Variants in DENND6A observed in about 807,000 individuals in gnomAD.
DENND6A encodes the protein DENN domain containing 6A.
In DENND6A, 43 loss-of-function variants were observed where a neutral mutation model predicts 95.5. That is an observed-to-expected ratio of 0.45 (90% CI 0.35 to 0.58). The LOEUF is 0.58. Ranked by LOEUF, DENND6A falls within the 20% of genes least tolerant of loss-of-function variation. DENND6A has a pLI of 0.00. For missense variants in DENND6A, 574 were observed against 736.0 expected, an observed-to-expected ratio of 0.78 and a Z score of 2.55; for synonymous variants, 257 against 260.4, an observed-to-expected ratio of 0.99 and a Z score of 0.13.
At chr3:57,633,849 C>T (rs1231362064) in intron 14 of DENND6A, among the ~76,000 whole-genome samples, 1 of 151,580 alleles carries the variant, frequency 6.6e-6, no homozygotes, top group African/African-American at 2.4e-5. Context: ...CGAGATTGTG[C>T]TATTGCACTC....
At chr3:57,691,682 A>C (rs1388295760) in intron 1 of DENND6A, among the ~76,000 whole-genome samples, 1 of 151,440 alleles carries the variant, frequency 6.6e-6, no homozygotes, top group Non-Finnish European at 1.5e-5. Flanking sequence ...AAAAAAAAAA[A>C]AAAAAAAAAA....
chr3:57,686,474 T>G (rs1252963401), intron 1 of DENND6A, among the ~76,000 whole-genome samples: 1 of 152,232 alleles, frequency 6.6e-6, no homozygotes, highest in Non-Finnish European at 1.5e-5. Flanking sequence ...TTATTGTGCT[T>G]TGCAGTTACC....
At chr3:57,667,358 T>G (rs1022146349) in intron 3 of DENND6A, among the ~76,000 whole-genome samples, 2 of 152,088 alleles carry the variant, frequency 1.3e-5, no homozygotes, top group Admixed American at 6.6e-5. Context: ...GGTCTTGCTA[T>G]GTTGCCCAGG....
intron 12 of DENND6A, among the ~76,000 whole-genome samples, chr3:57,639,222 T>C (rs2070870847): frequency 6.6e-6 from 1 of 152,210 alleles, no homozygotes; most frequent in African/African-American, 2.4e-5. Flanking sequence ...AACATCACCA[T>C]TTCAAACATT....
intron 9 of DENND6A, among the ~76,000 whole-genome samples, chr3:57,648,032 G>A (rs189259026): frequency 6.6e-6 from 1 of 152,050 alleles, no homozygotes; most frequent in African/African-American, 2.4e-5. Context: ...AGAAGAGAAA[G>A]AAATAAAGAG....
chr3:57,632,405 A>C (rs2070705328), intron 15 of DENND6A, among the ~76,000 whole-genome samples: 1 of 151,802 alleles, frequency 6.6e-6, no homozygotes, highest in Non-Finnish European at 1.5e-5. Flanking sequence ...CTGTAGTCTC[A>C]AAGTCCTGGC....
chr3:57,660,029 G>A (rs2071393664), intron 7 of DENND6A, among the ~76,000 whole-genome samples: 1 of 152,174 alleles, frequency 6.6e-6, no homozygotes, highest in Non-Finnish European at 1.5e-5. Flanking sequence ...GATGCCATGA[G>A]ATCAGAGGTG....
Position 57,692,644 on chromosome 3 carries a change from A to T in DENND6A, c.237+138T>A, listed in dbSNP as rs1177984855. 6 of 752,786 alleles carry T rather than the reference A, an allele frequency of 8.0e-6. No homozygotes were observed. The African/African-American group carries it at 9.4e-5, about 12-fold the overall frequency. The allele number at this position is 752,786 out of a possible 1,614,324, so 46.6% of individuals were successfully genotyped here. A position where few individuals can be genotyped will look rare whatever the true frequency, so the allele number is the denominator to read the frequency against. On this transcript the variant is annotated intron_variant, in intron 1 of 19. Coordinates refer to ENST00000311128, the MANE Select transcript of DENND6A (RefSeq NM_152678.3). ...GTGCCGTAGGACCGCAGCCCGAAAG[A>T]GCGCGGGAGGGGAGACTGGCCACGC...
At chr3:57,660,694 C>A in intron 7 of DENND6A, 66 bp downstream of exon 7, 1 of 1,432,104 alleles carries the variant, frequency 7.0e-7, no homozygotes, top group South Asian at 1.3e-5. Flanking sequence ...GGTGACAGCA[C>A]AAGACCCTGT....
intron 12 of DENND6A, 32 bp downstream of exon 12, chr3:57,641,621 A>T (rs780896112): frequency 6.3e-7 from 1 of 1,576,748 alleles, no homozygotes; most frequent in South Asian, 1.2e-5. Context: ...AACACTGCAC[A>T]CTAGAAACAG....
At chr3:57,678,475 T>TG (rs1445839244) in intron 1 of DENND6A, among the ~76,000 whole-genome samples, 4 of 152,204 alleles carry the variant, frequency 2.6e-5, no homozygotes, top group African/African-American at 9.7e-5. Context: ...GAAATACAGT[T>TG]GGGGCTCAAA....
chr3:57,693,031 G>C lies in DENND6A; in HGVS notation c.-13C>G. 7.2e-7 allele frequency: 1 copy of C among 1,398,342 alleles called. No individual in the cohort carries two copies. Among genetic ancestry groups the C allele is most frequent in the African/African-American group, 1.5e-5 (1 of 64,828 alleles). The allele number at this position is 1,398,342 out of a possible 1,614,324, so 86.6% of individuals were successfully genotyped here. A position where few individuals can be genotyped will look rare whatever the true frequency, so the allele number is the denominator to read the frequency against. The stretch of plus-strand genomic sequence containing the variant: ...CCCTCAAAGCCATCGGCCGCCCCCT[G>C]ACCGTTCGCGCCGCCTCCACAGCGG... On this transcript the variant is annotated 5_prime_UTR_variant, in exon 1 of 20. Transcript: ENST00000311128.
rs949667365 is a variant in DENND6A, at chr3:57,643,939, A to G, written c.1037+1722T>C. Among the ~76,000 whole-genome samples, 7 of 152,090 alleles carry G rather than the reference A, an allele frequency of 4.6e-5. 1 individual carries two copies. The highest frequency in any genetic ancestry group is 3.9e-4 in the Admixed American group (6 of 15,266). Reference sequence around the variant, plus strand: ...GCCAAGGTGGGCAGATCACGAGGTCAGGAGTTCAAGACCAGTCTGGCCAAT... The same window carrying G: ...GCCAAGGTGGGCAGATCACGAGGTCGGGAGTTCAAGACCAGTCTGGCCAAT... On this transcript the variant is annotated intron_variant, in intron 11 of 19. Transcript: ENST00000311128.
intron 15 of DENND6A, 30 bp downstream of exon 15, chr3:57,633,235 A>T: frequency 1.9e-6 from 3 of 1,569,788 alleles, no homozygotes; most frequent in Non-Finnish European, 1.8e-6. Context: ...CAAATCATTA[A>T]ATTATGCAAA....
At chr3:57,646,227 C>T in intron 10 of DENND6A, 89 bp downstream of exon 10, 1 of 1,499,530 alleles carries the variant, frequency 6.7e-7, no homozygotes. Context: ...AAAAATACGA[C>T]AGGTGGGAAG....
At position 57,628,119 on chromosome 3, in the gene DENND6A, C is replaced by A. The variant is rs566527979; in HGVS notation, c.*95G>T. The A allele has an allele frequency of 6.6e-7, 1 of 1,513,668 alleles. No individual in the cohort carries two copies. Among genetic ancestry groups the A allele is most frequent in the South Asian group, 1.3e-5 (1 of 75,764 alleles). 93.8% of individuals were successfully genotyped at this position (1,513,668 alleles called of 1,614,324 possible). On this transcript the variant is annotated 3_prime_UTR_variant, in exon 20 of 20. Coordinates refer to ENST00000311128, the MANE Select transcript of DENND6A (RefSeq NM_152678.3). ...TAGCATTCATGGCAATTTTCCACTC[C>A]GCTGCCACTGAGAGATCTCCTTTGT...
At position 57,637,725 on chromosome 3, in the gene DENND6A, C is replaced by T. The variant is rs139235544; in HGVS notation, c.1133-2956G>A. Among the ~76,000 whole-genome samples the T allele has an allele frequency of 2.9e-3, 404 of 139,648 alleles. 2 individuals are homozygous for T. The highest frequency in any genetic ancestry group is 0.01 in the African/African-American group (373 of 36,354). The allele number at this position is 139,648 out of a possible 152,430, so 91.6% of individuals were successfully genotyped here. On this transcript the variant is annotated intron_variant, in intron 12 of 19. Transcript: ENST00000311128. The stretch of plus-strand genomic sequence containing the variant: ...TATATGAGATTTCATGACTATGACA[C>T]CAAATATACAAGCAATACAAAGAAA...
chr3:57,646,407 T>C lies in DENND6A; in HGVS notation c.850A>G (p.Met284Val), dbSNP rs1168306606. 6.2e-7 allele frequency: 1 copy of C among 1,613,912 alleles called. No individual in the cohort carries two copies. Among genetic ancestry groups the C allele is most frequent in the Non-Finnish European group, 8.5e-7 (1 of 1,179,962 alleles). The part of the protein sequence containing the change: ...CFCPVFLHSQ[M>V]LWELVLLGEP... ...CCCAACAGCACCAGCTCCCAGAGCA[T>C]CTGACTATGAAGGAAAACTGGGCAG... Residue 284 changes from methionine (M) to valine (V), a missense_variant, in exon 10 of 20, where the codon ATG becomes GTG. Met to Val is a conservative substitution (Grantham distance 21). This residue lies in a region of DENND6A where 452 missense variants were observed against 630.9 expected (regional missense o/e 0.72). Coordinates refer to ENST00000311128, the MANE Select transcript of DENND6A (RefSeq NM_152678.3).
chr3:57,655,938 C>G (rs930033816), intron 9 of DENND6A, among the ~76,000 whole-genome samples: 1 of 152,116 alleles, frequency 6.6e-6, no homozygotes, highest in Non-Finnish European at 1.5e-5. Context: ...CAAATTATTC[C>G]TTAATGAGTC....
Sources: allele counts gnomAD v4.1 joint callset (sites outside exome capture counted in the v4.1 genomes callset), GRCh38; gene constraint gnomAD v4.1.1; regional missense constraint gnomAD v4.1.1; transcripts MANE v1.5; gene names NCBI Gene and HGNC (gene_info 2026-07-23, HGNC 2026-07-21).